The following ITGAX variants were observed in gnomAD, a reference collection of about 807,000 sequenced individuals.
ITGAX encodes integrin subunit alpha X, also known as integrin alpha-X.
Under a neutral mutation model 140.2 loss-of-function variants are expected in ITGAX, and 99 were observed. The ratio of observed to expected loss-of-function variants is 0.71; its 90% CI spans 0.60 to 0.83. The LOEUF is 0.83. ITGAX is among the 40% of genes least tolerant of loss of function. ITGAX has a pLI of 0.00. For synonymous variants in ITGAX, 631 were observed against 600.4 expected, an observed-to-expected ratio of 1.05 and a Z score of -0.75; for missense variants, 1,444 against 1,482.0, an observed-to-expected ratio of 0.97 and a Z score of 0.42.
At chr16:31,367,615 AC>A (rs2080905179) in intron 14 of ITGAX, among the ~76,000 whole-genome samples, 1 of 152,188 alleles carries the variant, frequency 6.6e-6, no homozygotes, top group African/African-American at 2.4e-5. Flanking sequence ...CATTCTGGAG[AC>A]CTGCTGCTCA....
intron 7 of ITGAX, 105 bp downstream of exon 7, chr16:31,360,170 C>A (rs760753096): frequency 5.2e-6 from 8 of 1,527,532 alleles, no homozygotes; most frequent in Non-Finnish European, 7.1e-6. Context: ...AAATCCAGCC[C>A]GTGATACCCT....
At position 31,360,355 on chromosome 16, in the gene ITGAX, C is replaced by T; in HGVS notation, c.753C>T (p.Ala251=). The T allele has an allele frequency of 6.2e-7, 1 of 1,614,040 alleles. No homozygotes were observed. Among genetic ancestry groups the T allele is most frequent in the Admixed American group, 1.7e-5 (1 of 60,000 alleles). Residue 251 remains alanine, a synonymous_variant, in exon 8 of 30, where the codon GCC becomes GCT. Transcript: ENST00000268296. ...HASYGARRDA[A]KILIVITDGK... ...CATATGGGGCCCGTAGGGATGCCGC[C>T]AAAATTCTCATTGTCATCACTGATG...
In ITGAX at chr16:31,381,995, T is replaced by C; in HGVS notation, c.*88T>C. 2 of 1,431,214 alleles carry C rather than the reference T, an allele frequency of 1.4e-6. No individual in the cohort carries two copies. Among genetic ancestry groups the C allele is most frequent in the Non-Finnish European group, 1.8e-6 (2 of 1,081,748 alleles). The allele number at this position is 1,431,214 out of a possible 1,614,324, so 88.7% of individuals were successfully genotyped here. ...GTCAGGCCTGACGGGGAGGAACCAC[T>C]GCACCACCGAGAGAGGCTGGGATGG... On this transcript the variant is annotated 3_prime_UTR_variant, in exon 30 of 30. Transcript: ENST00000268296.
Position 31,371,723 on chromosome 16 carries a change from T to A in ITGAX, c.2099T>A (p.Leu700Gln). Residue 700 changes from leucine to glutamine, a missense_variant, in exon 17 of 30, where the codon CTG (leucine) becomes CAG (glutamine). Transcript: ENST00000268296. ...TTCCAGGAAACAAAGAACCGGAGTC[T>A]GAGCCGAGTCCGAGTCCTCGGGCTG... is the stretch of plus-strand genomic sequence containing the variant. ...ATFQETKNRS[L>Q]SRVRVLGLKA... 6.2e-7 allele frequency: 1 copy of A among 1,614,154 alleles called. No individual in the cohort carries two copies. The highest frequency in any genetic ancestry group is 8.5e-7 in the Non-Finnish European group (1 of 1,180,036).
chr16:31,360,950 T>A, intron 8 of ITGAX, 113 bp from the exon 9 acceptor site: 1 of 1,018,128 alleles, frequency 9.8e-7, no homozygotes. Flanking sequence ...TTCTCCTGTG[T>A]CCACCGGGTG....
chr16:31,372,842 G>A (rs2080983376), intron 19 of ITGAX, among the ~76,000 whole-genome samples, 172 bp downstream of exon 19: 1 of 152,050 alleles, frequency 6.6e-6, no homozygotes, highest in African/African-American at 2.4e-5. Context: ...AGGCCGAGGT[G>A]GGAGGATCTT....
intron 9 of ITGAX, chr16:31,361,484 C>T: frequency 1.5e-6 from 1 of 669,882 alleles, no homozygotes; most frequent in South Asian, 1.8e-5. Context: ...CAGTGCCAGG[C>T]CCAACCCAGG....
In ITGAX at chr16:31,361,151, A is replaced by G. The variant is rs761452872; in HGVS notation, c.950A>G (p.Glu317Gly). 1 of 1,613,828 alleles carries G rather than the reference A, an allele frequency of 6.2e-7. No individual in the cohort carries two copies. The highest frequency in any genetic ancestry group is 8.5e-7 in the Non-Finnish European group (1 of 1,179,894). The change falls in exon 9 of 30, where the codon GAG (glutamate) becomes GGG (glycine). Residue 317 changes from glutamate (E) to glycine (G), a missense_variant. Glu to Gly is a moderately conservative substitution (Grantham distance 98, BLOSUM62 -2). Coordinates refer to ENST00000268296, the MANE Select transcript of ITGAX (RefSeq NM_000887.5). Reference sequence around the variant, plus strand: ...TCCCAGGAACACATATTTAAAGTGGAGGACTTTGATGCTCTGAAAGATATT... The same window carrying G: ...TCCCAGGAACACATATTTAAAGTGGGGGACTTTGATGCTCTGAAAGATATT... ...KPSQEHIFKV[E>G]DFDALKDIQN...
At chr16:31,372,277 G>A (rs573102707) in intron 17 of ITGAX, 101 bp from the exon 18 acceptor site, 410 of 1,412,460 alleles carry the variant, frequency 2.9e-4, no homozygotes, top group East Asian at 1.4e-3. Context: ...AGCTGAAGCC[G>A]CGCGGGAGCT....
In ITGAX at chr16:31,377,073, TGA is replaced by T; in HGVS notation, c.2701_2702del (p.Ser901GlnfsTer2). 6.2e-7 allele frequency: 1 copy of T among 1,614,228 alleles called. No individual in the cohort carries two copies. The highest frequency in any genetic ancestry group is 8.5e-7 in the Non-Finnish European group (1 of 1,180,038). The stretch of plus-strand genomic sequence containing the variant: ...GACCGGCTGCTTCTGACAGCCAATG[TGA>T]GCAGGTGAGCCGGGCCAGGCCAGGG... On this transcript the variant is annotated frameshift_variant, in exon 22 of 30. Transcript: ENST00000268296. LOFTEE classifies it high-confidence loss of function.
chr16:31,373,174 C>A, intron 19 of ITGAX, 75 bp from the exon 20 acceptor site: 2 of 1,022,698 alleles, frequency 2.0e-6, no homozygotes, highest in Non-Finnish European at 2.8e-6. Context: ...AATCCCCACC[C>A]ACCCCATTTT....
Position 31,360,395 on chromosome 16 carries a change from G to A in ITGAX, c.793G>A (p.Asp265Asn), listed in dbSNP as rs141069192. The A allele has an allele frequency of 8.7e-6, 14 of 1,613,932 alleles. No individual in the cohort carries two copies. In the South Asian group the frequency reaches 1.1e-4, roughly 13 times the overall value. ...CATCACTGATGGGAAGAAAGAAGGC[G>A]ACAGCCTGGATTATAAGGATGTCAT... The part of the protein sequence containing the change: ...IVITDGKKEG[D>N]SLDYKDVIPM... Residue 265 changes from aspartate to asparagine, a missense_variant, in exon 8 of 30, where the codon GAC (aspartate) becomes AAC (asparagine). By Grantham distance (23) the Asp-to-Asn change is conservative. Coordinates refer to ENST00000268296, the MANE Select transcript of ITGAX (RefSeq NM_000887.5).
rs916654962 is a variant in ITGAX at position 31,373,102 on chromosome 16, AAG to A, written c.2367-145_2367-144del. On this transcript the variant is annotated intron_variant, in intron 19 of 29. Coordinates refer to ENST00000268296, the MANE Select transcript of ITGAX (RefSeq NM_000887.5). ...AGCAGGACTCTGTCTCTTAAAAAAA[AAG>A]AAGAAGAAGAAGAAGAAGAAGAAGA... 90 of 95,952 alleles carry A rather than the reference AAG, an allele frequency of 9.4e-4. No homozygotes were observed. In the East Asian group the frequency reaches 0.23, roughly 241 times the overall value. The allele number at this position is 95,952 out of a possible 1,614,324, so 5.9% of individuals were successfully genotyped here. A position where few individuals can be genotyped will look rare whatever the true frequency, so the allele number is the denominator to read the frequency against.
intron 14 of ITGAX, among the ~76,000 whole-genome samples, 172 bp downstream of exon 14, chr16:31,363,546 A>G (rs891223611): frequency 1.3e-5 from 2 of 152,326 alleles, no homozygotes; most frequent in East Asian, 3.9e-4. Context: ...TCCCAGGTTC[A>G]AGCGATTCTC....
In ITGAX at chr16:31,377,802, G is replaced by A. The variant is rs1425557249; in HGVS notation, c.2789+537G>A. Among the ~76,000 whole-genome samples, 2 of 152,256 alleles carry A rather than the reference G, an allele frequency of 1.3e-5. 1 individual carries two copies. The highest frequency in any genetic ancestry group is 2.9e-5 in the Non-Finnish European group (2 of 68,050). ...CCACACATGGCAGGTGTGACTCTGT[G>A]GGTTAGGGCACAGGGAGTGCCAGGT... On this transcript the variant is annotated intron_variant, in intron 23 of 29. Coordinates refer to ENST00000268296, the MANE Select transcript of ITGAX (RefSeq NM_000887.5).
At chr16:31,374,347 C>A (rs372927809) in intron 20 of ITGAX, among the ~76,000 whole-genome samples, 60 of 152,110 alleles carry the variant, frequency 3.9e-4, no homozygotes, top group African/African-American at 1.4e-3. Context: ...AGTAGTTCAA[C>A]AAACCTCCCC....
intron 2 of ITGAX, chr16:31,356,226 A>G (rs938133987): frequency 1.2e-5 from 6 of 503,704 alleles, no homozygotes; most frequent in Non-Finnish European, 1.4e-5. Flanking sequence ...GATTTAGTCC[A>G]CACGACAGCC....
intron 19 of ITGAX, 28 bp from the exon 20 acceptor site, chr16:31,373,221 C>A: frequency 1.3e-6 from 2 of 1,494,812 alleles, no homozygotes; most frequent in Non-Finnish European, 1.8e-6. Context: ...ACAGAATCAT[C>A]TTCTCCTTTC....
chr16:31,373,916 G>T (rs1017861644), intron 20 of ITGAX, among the ~76,000 whole-genome samples: 3 of 152,240 alleles, frequency 2.0e-5, no homozygotes, highest in African/African-American at 7.2e-5. Flanking sequence ...ATAGGTAGTG[G>T]CTGTTGGTTG....
Sources: gnomAD v4.1 joint callset for allele counts (sites outside exome capture counted in the v4.1 genomes callset) on GRCh38, gnomAD v4.1.1 for gene constraint, MANE v1.5 for transcripts, NCBI Gene and HGNC (gene_info 2026-07-23, HGNC 2026-07-21) for gene names.